Variants in NAE1 observed in about 807,000 individuals in gnomAD.
NAE1 encodes the protein NEDD8-activating enzyme E1 regulatory subunit.
In NAE1, 59 loss-of-function variants were observed where a neutral mutation model predicts 88.0. That is an observed-to-expected ratio of 0.67 (90% CI 0.54 to 0.83). NAE1 has a LOEUF of 0.83. NAE1 is among the 40% of genes least tolerant of loss of function. The pLI, the probability that NAE1 is intolerant of heterozygous loss-of-function variation, is 0.00. For missense variants in NAE1, 554 were observed against 632.8 expected (o/e 0.88, Z 1.34); for synonymous variants, 186 against 208.9 (o/e 0.89, Z 0.95).
At chr16:66,815,631 G>C (rs948308477) in intron 11 of NAE1, among the ~76,000 whole-genome samples, 5 of 151,634 alleles carry the variant, frequency 3.3e-5, no homozygotes, top group African/African-American at 1.2e-4. Context: ...TGGGATTACA[G>C]GTGTGAGCCA....
At chr16:66,804,900 C>T (rs1368687440) in intron 19 of NAE1, among the ~76,000 whole-genome samples, 1 of 152,000 alleles carries the variant, frequency 6.6e-6, no homozygotes, top group Non-Finnish European at 1.5e-5. Context: ...ATGCTGGCAC[C>T]CTGATCCCAG....
intron 13 of NAE1, among the ~76,000 whole-genome samples, chr16:66,811,374 T>C (rs995530034): frequency 3.9e-5 from 6 of 152,180 alleles, no homozygotes; most frequent in African/African-American, 1.4e-4. Context: ...CCCAGGCTGG[T>C]CTTGAACTCC....
At chr16:66,823,486 A>G (rs1456381198) in intron 5 of NAE1, 43 bp downstream of exon 5, 1 of 1,530,458 alleles carries the variant, frequency 6.5e-7, no homozygotes, top group Non-Finnish European at 8.9e-7. Context: ...TATTTAAAAA[A>G]TTGTATTTCA....
At chr16:66,809,707 A>G (rs1346256297) in intron 15 of NAE1, among the ~76,000 whole-genome samples, 3 of 152,216 alleles carry the variant, frequency 2.0e-5, no homozygotes, top group Non-Finnish European at 4.4e-5. Context: ...AACCGAGCCT[A>G]AACAGACATT....
chr16:66,808,855 C>A, intron 16 of NAE1, 134 bp downstream of exon 16: 1 of 643,578 alleles, frequency 1.6e-6, no homozygotes, highest in East Asian at 3.1e-5. Context: ...CCTAGATAAG[C>A]TTAGAATAAA....
intron 17 of NAE1, 89 bp from the exon 18 acceptor site, chr16:66,806,115 G>C: frequency 7.3e-7 from 1 of 1,372,708 alleles, no homozygotes; most frequent in Non-Finnish European, 9.6e-7. Context: ...AGATGTTCTA[G>C]TCAAAATATG....
chr16:66,816,389 T>G (rs1214359420), intron 11 of NAE1, among the ~76,000 whole-genome samples, 192 bp downstream of exon 11: 1 of 152,216 alleles, frequency 6.6e-6, no homozygotes, highest in Non-Finnish European at 1.5e-5. Context: ...GGTCTCGAAC[T>G]CCTGACCTCA....
intron 1 of NAE1, among the ~76,000 whole-genome samples, chr16:66,829,498 T>TA (rs1321173608): frequency 2.0e-5 from 3 of 152,218 alleles, no homozygotes; most frequent in Non-Finnish European, 1.5e-5. Context: ...TCTCCAACTG[T>TA]AAAGCACAGG....
At chr16:66,810,013 A>G (rs1959724304) in intron 15 of NAE1, among the ~76,000 whole-genome samples, 1 of 152,214 alleles carries the variant, frequency 6.6e-6, no homozygotes, top group Non-Finnish European at 1.5e-5. Context: ...TTAAACCAAT[A>G]TTGTCAATGT....
chr16:66,803,625 C>CTGA (rs1225574074), intron 19 of NAE1, among the ~76,000 whole-genome samples: 1 of 150,894 alleles, frequency 6.6e-6, no homozygotes, highest in African/African-American at 2.4e-5. Context: ...GAGTCTCACT[C>CTGA]TGTCACCCAG....
At chr16:66,823,800 T>C (rs1428877192) in intron 4 of NAE1, among the ~76,000 whole-genome samples, 200 bp from the exon 5 acceptor site, 1 of 152,236 alleles carries the variant, frequency 6.6e-6, no homozygotes, top group Non-Finnish European at 1.5e-5. Context: ...GGCCTGATCA[T>C]AGCTCACTGC....
chr16:66,828,250 G>C, intron 1 of NAE1: 1 of 477,770 alleles, frequency 2.1e-6, no homozygotes, highest in Non-Finnish European at 3.8e-6. Flanking sequence ...CAGCACTTTG[G>C]GAGGCGGAGG....
chr16:66,817,398 T>C, intron 9 of NAE1, 27 bp downstream of exon 9: 1 of 1,526,322 alleles, frequency 6.6e-7, no homozygotes, highest in Non-Finnish European at 9.1e-7. Flanking sequence ...CAGTTGCATA[T>C]GAAATTTTTT....
At chr16:66,818,385 G>A in intron 8 of NAE1, 143 bp downstream of exon 8, 2 of 624,064 alleles carry the variant, frequency 3.2e-6, no homozygotes, top group Non-Finnish European at 5.2e-6. Flanking sequence ...TTGAAAACAA[G>A]GTAAAATACT....
chr16:66,820,172 C>G (rs1215473155), intron 7 of NAE1, among the ~76,000 whole-genome samples: 3 of 152,204 alleles, frequency 2.0e-5, no homozygotes, highest in Non-Finnish European at 4.4e-5. Flanking sequence ...GTGATGCTAC[C>G]AATGCCAATG....
At chr16:66,809,388 G>C (rs1213362290) in intron 15 of NAE1, among the ~76,000 whole-genome samples, 1 of 152,158 alleles carries the variant, frequency 6.6e-6, no homozygotes, top group Non-Finnish European at 1.5e-5. Flanking sequence ...TGTGACATCT[G>C]TATAAAGTGC....
chr16:66,822,919 C>T (rs1463286604), intron 6 of NAE1, among the ~76,000 whole-genome samples: 1 of 149,650 alleles, frequency 6.7e-6, no homozygotes, highest in Admixed American at 6.6e-5. Context: ...CCACCTGCCT[C>T]GGCCTCCCAA....
intron 11 of NAE1, among the ~76,000 whole-genome samples, chr16:66,815,258 CCAATT>C (rs1959998150): frequency 1.3e-5 from 2 of 152,176 alleles, no homozygotes; most frequent in African/African-American, 4.8e-5. Flanking sequence ...TTTCAAATGT[CCAATT>C]CAATGCATTT....
chr16:66,818,458 A>G (rs908890930), intron 8 of NAE1, 70 bp downstream of exon 8: 1 of 1,205,134 alleles, frequency 8.3e-7, no homozygotes, highest in Non-Finnish European at 1.2e-6. Context: ...CTTTAGTGTA[A>G]TTCAAAAACC....
Sources: gnomAD v4.1 joint callset for allele counts (sites outside exome capture counted in the v4.1 genomes callset) on GRCh38, gnomAD v4.1.1 for gene constraint, MANE v1.5 for transcripts, NCBI Gene and HGNC (gene_info 2026-07-23, HGNC 2026-07-21) for gene names.